Variants in ZPBP observed in about 807,000 individuals in gnomAD.
The protein encoded by ZPBP is zona pellucida binding protein, also known as zona pellucida-binding protein 1.
Under a neutral mutation model 44.8 loss-of-function variants are expected in ZPBP, and 26 were observed. The observed-to-expected ratio is 0.58, with a 90% confidence interval of 0.43 to 0.81. The LOEUF is 0.81. Ranked by LOEUF, ZPBP falls within the 30% of genes least tolerant of loss-of-function variation. ZPBP has a pLI of 0.00. For synonymous variants in ZPBP, 174 were observed against 153.2 expected, an observed-to-expected ratio of 1.14 and a Z score of -1.00; for missense variants, 409 against 434.0, an observed-to-expected ratio of 0.94 and a Z score of 0.51.
Position 50,093,065 on chromosome 7 carries a change from C to G in ZPBP, c.127+3G>C. ...GAGCCGGCAGGGCGGCGCGGACCCT[C>G]ACCTGATGAGGGCACCCGCACCAGG... On this transcript the variant is annotated splice_donor_region_variant and intron_variant, in intron 1 of 7. Transcript: ENST00000046087. The G allele has an allele frequency of 6.2e-7, 1 of 1,600,300 alleles. No homozygotes were observed. Among genetic ancestry groups the G allele is most frequent in the African/African-American group, 1.3e-5 (1 of 74,288 alleles).
At chr7:50,001,013 G>C (rs1380819119) in intron 6 of ZPBP, among the ~76,000 whole-genome samples, 1 of 152,102 alleles carries the variant, frequency 6.6e-6, no homozygotes, top group Non-Finnish European at 1.5e-5. Flanking sequence ...AAAGAGGAAA[G>C]ACCATGTGAA....
chr7:50,016,496 C>A (rs775659983), intron 6 of ZPBP, among the ~76,000 whole-genome samples: 1 of 151,964 alleles, frequency 6.6e-6, no homozygotes, highest in Non-Finnish European at 1.5e-5. Context: ...CAAACCCCAA[C>A]GATGTGGAAT....
In ZPBP at chr7:49,983,527, A is replaced by G. The variant is rs759060082; in HGVS notation, c.784-8T>C. 6.6e-7 allele frequency: 1 copy of G among 1,511,770 alleles called. No homozygotes were observed. The highest frequency in any genetic ancestry group is 2.3e-5 in the East Asian group (1 of 43,904). The allele number at this position is 1,511,770 out of a possible 1,614,324, so 93.6% of individuals were successfully genotyped here. On this transcript the variant is annotated splice_polypyrimidine_tract_variant and splice_region_variant and intron_variant, in intron 6 of 7. Transcript: ENST00000046087. The stretch of plus-strand genomic sequence containing the variant: ...CTCTATGAGATTTTTAGCCTAAAAC[A>G]TAAATACAATTTGATAAACTGTTAG...
intron 6 of ZPBP, among the ~76,000 whole-genome samples, chr7:49,983,809 A>T (rs1797132754): frequency 2.0e-5 from 3 of 152,096 alleles, no homozygotes; most frequent in Admixed American, 6.6e-5. Context: ...GAGCAAAATC[A>T]AGAAAGCTCT....
chr7:50,088,171 A>G (rs550778757), intron 2 of ZPBP, among the ~76,000 whole-genome samples: 1 of 152,172 alleles, frequency 6.6e-6, no homozygotes, highest in East Asian at 1.9e-4. Context: ...AGCCAATTGC[A>G]AAGAAAAAGA....
At chr7:49,841,505 T>C in the ZPBP span, among the ~76,000 whole-genome samples, 2 of 152,192 alleles carry the variant, frequency 1.3e-5, no homozygotes, top group Non-Finnish European at 2.9e-5. Flanking sequence ...AGCAAGTCTT[T>C]CTTTTGGAAG....
At chr7:49,941,920 C>G (rs1485728818) in intron 7 of ZPBP, among the ~76,000 whole-genome samples, 3 of 152,082 alleles carry the variant, frequency 2.0e-5, no homozygotes, top group Non-Finnish European at 2.9e-5. Context: ...GACATACAGA[C>G]TAATGGAACA....
At chr7:49,889,062 A>C (rs1204167584) in intron 2 of ZPBP, among the ~76,000 whole-genome samples, 5 of 152,226 alleles carry the variant, frequency 3.3e-5, no homozygotes, top group Non-Finnish European at 7.3e-5. Context: ...CTGCTTTCTG[A>C]ATTGGAGTTG....
At chr7:49,950,186 A>G (rs1795277433) in intron 7 of ZPBP, among the ~76,000 whole-genome samples, 1 of 151,976 alleles carries the variant, frequency 6.6e-6, no homozygotes, top group East Asian at 1.9e-4. Context: ...TAATAGTGTT[A>G]TAATCACAAA....
rs1562820378 is a variant in ZPBP at position 49,981,645 on chromosome 7, A to ATT, written c.961+1696_961+1697insAA. ...TATTATATTATATTATATATTATAT[A>ATT]ATATCTTGATATAAAATATATATTA... On this transcript the variant is annotated intron_variant, in intron 7 of 7. Transcript: ENST00000046087. 4.1e-3 allele frequency among the ~76,000 whole-genome samples: 374 copies of ATT among 90,688 alleles called. 64 individuals are homozygous for ATT. Among genetic ancestry groups the ATT allele is most frequent in the African/African-American group, 6.1e-3 (133 of 21,768 alleles). The allele number at this position is 90,688 out of a possible 152,430, so 59.5% of individuals were successfully genotyped here.
chr7:49,892,472 A>T (rs1340062654), intron 2 of ZPBP, among the ~76,000 whole-genome samples: 2 of 152,222 alleles, frequency 1.3e-5, no homozygotes, highest in African/African-American at 2.4e-5. Context: ...ATACAGGGGT[A>T]TATACATTAT....
chr7:49,868,320 T>A (rs922090175), intron 2 of ZPBP, among the ~76,000 whole-genome samples: 2 of 152,242 alleles, frequency 1.3e-5, no homozygotes, highest in African/African-American at 4.8e-5. Flanking sequence ...TTAAACCTCT[T>A]TAGCCAAGTC....
chr7:50,003,138 T>C (rs1798166865), intron 6 of ZPBP, among the ~76,000 whole-genome samples: 1 of 152,182 alleles, frequency 6.6e-6, no homozygotes, highest in Admixed American at 6.5e-5. Context: ...TAACATAGTA[T>C]TATCATGAGT....
At chr7:49,940,876 A>C in intron 7 of ZPBP, 1 of 702,780 alleles carries the variant, frequency 1.4e-6, no homozygotes, top group Non-Finnish European at 1.7e-6. Flanking sequence ...ACAAGGAGAC[A>C]ACAAAGGGGA....
At chr7:50,090,531 A>G (rs1253009994) in intron 1 of ZPBP, among the ~76,000 whole-genome samples, 2 of 151,522 alleles carry the variant, frequency 1.3e-5, no homozygotes, top group Non-Finnish European at 2.9e-5. Flanking sequence ...GTGTATATAT[A>G]TGTGTGTATA....
chr7:49,918,578 A>G (rs1431166766), intron 1 of ZPBP: 1 of 152,242 alleles, frequency 6.6e-6, no homozygotes, highest in Non-Finnish European at 1.5e-5. Flanking sequence ...TGATTCTCAT[A>G]TTGAAATTTA....
At chr7:49,849,886 A>G (rs1380702952), downstream of ZPBP, among the ~76,000 whole-genome samples, 1 of 152,220 alleles carries the variant, frequency 6.6e-6, no homozygotes, top group Non-Finnish European at 1.5e-5. Context: ...GACCCTGGAG[A>G]GACTGAGCAC....
At chr7:49,881,424 G>A (rs1407593670) in intron 2 of ZPBP, among the ~76,000 whole-genome samples, 1 of 152,156 alleles carries the variant, frequency 6.6e-6, no homozygotes, top group Non-Finnish European at 1.5e-5. Context: ...TTAATAGAAA[G>A]TTTAAAAAAT....
intron 7 of ZPBP, among the ~76,000 whole-genome samples, chr7:49,978,315 C>T (rs1014086938): frequency 2.6e-5 from 4 of 151,312 alleles, no homozygotes; most frequent in Admixed American, 6.6e-5. Context: ...CTTTAAAGTG[C>T]CAAAACTGAT....
Sources: allele counts gnomAD v4.1 joint callset (sites outside exome capture counted in the v4.1 genomes callset), GRCh38; gene constraint gnomAD v4.1.1; transcripts MANE v1.5; gene names NCBI Gene and HGNC (gene_info 2026-07-23, HGNC 2026-07-21).